The following HM13 variants were observed in gnomAD, a reference collection of about 807,000 sequenced individuals.
HM13 encodes the protein histocompatibility minor 13.
HM13 carries 18 observed loss-of-function variants against 50.0 expected under a neutral mutation model. The ratio of observed to expected loss-of-function variants is 0.36; its 90% CI spans 0.25 to 0.53. HM13 has a LOEUF of 0.53. Ranked by LOEUF, HM13 falls within the 20% of genes least tolerant of loss-of-function variation. The probability of loss-of-function intolerance (pLI) is 0.90; values close to 1 mark genes in which losing one functional copy is unlikely to be tolerated. For missense variants in HM13, 393 were observed against 552.4 expected (o/e 0.71, Z 2.89); for synonymous variants, 197 against 232.6 (o/e 0.85, Z 1.39).
chr20:31,532,162 C>T (rs1982856649), intron 2 of HM13, among the ~76,000 whole-genome samples: 1 of 151,614 alleles, frequency 6.6e-6, no homozygotes, highest in Non-Finnish European at 1.5e-5. Flanking sequence ...CGCGGTGGCT[C>T]AAGCCTGTAA....
At chr20:31,519,161 G>GCATAACCT (rs1981994971) in intron 1 of HM13, among the ~76,000 whole-genome samples, 1 of 152,146 alleles carries the variant, frequency 6.6e-6, no homozygotes, top group Admixed American at 6.5e-5. Context: ...GAGTGCAATG[G>GCATAACCT]CATAACCTCA....
chr20:31,545,022 G>A lies in HM13; in HGVS notation c.441G>A (p.Gly147=). The A allele has an allele frequency of 1.2e-6, 2 of 1,614,074 alleles. No homozygotes were observed. The highest frequency in any genetic ancestry group is 1.7e-6 in the Non-Finnish European group (2 of 1,179,902). ...QYQLLFTQGS[G]ENKEEIINYE... Reference sequence around the variant, plus strand: ...AGCTGCTCTTCACACAGGGTTCTGGGGAAAACAAGGAAGGTCAGTGCTAAC... The same window carrying A: ...AGCTGCTCTTCACACAGGGTTCTGGAGAAAACAAGGAAGGTCAGTGCTAAC... Residue 147 remains glycine, a synonymous_variant, in exon 4 of 13, where the codon GGG becomes GGA. Transcript: ENST00000398174.
At chr20:31,567,444 G>A (rs1984989121) in intron 11 of HM13, among the ~76,000 whole-genome samples, 1 of 151,896 alleles carries the variant, frequency 6.6e-6, no homozygotes, top group Non-Finnish European at 1.5e-5. Context: ...CAGGTACCCT[G>A]CCCCCACTGT....
chr20:31,567,887 T>C (rs1325099958), intron 11 of HM13, 191 bp from the exon 12 acceptor site: 2 of 573,538 alleles, frequency 3.5e-6, no homozygotes, highest in East Asian at 6.0e-5. Flanking sequence ...CTGATGTGCC[T>C]TTGTCTAGGT....
At chr20:31,529,641 C>T (rs1014576016) in intron 2 of HM13, among the ~76,000 whole-genome samples, 13 of 152,068 alleles carry the variant, frequency 8.5e-5, no homozygotes, top group Non-Finnish European at 1.0e-4. Context: ...GTAGGCTGGA[C>T]GCAGTGGCCC....
intron 10 of HM13, among the ~76,000 whole-genome samples, chr20:31,562,963 T>C (rs1404672273): frequency 6.6e-6 from 1 of 152,116 alleles, no homozygotes; most frequent in East Asian, 1.9e-4. Flanking sequence ...CCCGGCCCCT[T>C]ATTGGAGTCC....
chr20:31,554,967 AG>A (rs1438343715), intron 8 of HM13, 138 bp downstream of exon 8: 6 of 761,164 alleles, frequency 7.9e-6, no homozygotes, highest in African/African-American at 1.7e-5. Context: ...GGATTGGTGA[AG>A]GGTTCCCCCT....
At chr20:31,568,384 C>T in intron 12 of HM13, 160 bp downstream of exon 12, 1 of 1,081,888 alleles carries the variant, frequency 9.2e-7, no homozygotes, top group Non-Finnish European at 1.3e-6. Context: ...TTGCACCGAG[C>T]CATAGGGCTG....
At chr20:31,568,054 G>GTCTCT (rs1443521216) in intron 11 of HM13, 24 bp from the exon 12 acceptor site, 3 of 1,558,096 alleles carry the variant, frequency 1.9e-6, no homozygotes, top group Non-Finnish European at 2.6e-6. Flanking sequence ...CTTTTTTTCT[G>GTCTCT]TCTCTTCTCT....
At chr20:31,568,380 C>G (rs559978232) in intron 12 of HM13, 156 bp downstream of exon 12, 2 of 1,101,326 alleles carry the variant, frequency 1.8e-6, no homozygotes, top group Non-Finnish European at 2.5e-6. Context: ...GTGGTTGCAC[C>G]GAGCCATAGG....
intron 1 of HM13, among the ~76,000 whole-genome samples, chr20:31,521,216 C>A (rs1025235384): frequency 1.3e-5 from 2 of 152,200 alleles, no homozygotes; most frequent in Admixed American, 6.5e-5. Context: ...AGAAAGGTTG[C>A]AGGCTTCCCA....
In HM13 at chr20:31,552,975, A is replaced by G. The variant is rs187604377; in HGVS notation, c.725-1771A>G. On this transcript the variant is annotated intron_variant, in intron 7 of 12. Transcript: ENST00000398174. ...GGGTGACAGAGTAAGACTCCGTCTC[A>G]AATATATATGTATATATGTATAAAG... 5.9e-5 allele frequency among the ~76,000 whole-genome samples: 9 copies of G among 152,180 alleles called. No individual in the cohort carries two copies. In the East Asian group the frequency reaches 1.7e-3, roughly 29 times the overall value.
At chr20:31,519,804 A>G (rs971249226) in intron 1 of HM13, among the ~76,000 whole-genome samples, 14 of 150,674 alleles carry the variant, frequency 9.3e-5, no homozygotes, top group African/African-American at 2.7e-4. Context: ...TATTTGTGGG[A>G]TAAATTTCTC....
rs143495269 is a variant in HM13 at position 31,551,821 on chromosome 20, C to A, written c.724+1700C>A. 2.2e-4 allele frequency among the ~76,000 whole-genome samples: 34 copies of A among 152,316 alleles called. No homozygotes were observed. The East Asian group carries it at 6.4e-3, about 29-fold the overall frequency. On this transcript the variant is annotated intron_variant, in intron 7 of 12. Coordinates refer to ENST00000398174, the MANE Select transcript of HM13 (RefSeq NM_178581.3). ...CTCTACCACTGCGGACAGCCTTTCT[C>A]CCTGCGTTGAGGAGAGCTTCATGGC...
At chr20:31,516,290 C>T (rs967248655) in intron 1 of HM13, among the ~76,000 whole-genome samples, 1 of 152,196 alleles carries the variant, frequency 6.6e-6, no homozygotes, top group South Asian at 2.1e-4. Flanking sequence ...TTCTCCCTGG[C>T]ACCTTCTGTA....
intron 1 of HM13, among the ~76,000 whole-genome samples, chr20:31,519,228 A>C (rs1486054362): frequency 6.6e-6 from 1 of 152,058 alleles, no homozygotes; most frequent in Non-Finnish European, 1.5e-5. Flanking sequence ...CAGCCTCCCG[A>C]GTAGCTGGGA....
At chr20:31,547,380 G>A (rs1003920231) in intron 4 of HM13, 1 of 391,980 alleles carries the variant, frequency 2.6e-6, no homozygotes, top group South Asian at 3.3e-5. Context: ...CTTCCGGTTA[G>A]CGACAACGGC....
At chr20:31,529,207 AT>A (rs145597017) in intron 2 of HM13, among the ~76,000 whole-genome samples, 1 of 151,204 alleles carries the variant, frequency 6.6e-6, no homozygotes, top group African/African-American at 2.4e-5. Flanking sequence ...AAGCACTAAG[AT>A]TACAGATGTA....
intron 3 of HM13, chr20:31,541,357 T>G (rs1222694959): frequency 6.6e-6 from 1 of 152,026 alleles, no homozygotes; most frequent in African/African-American, 2.4e-5. Context: ...GGTGCGTGCC[T>G]GTGGTCCCAA....
Sources: gnomAD v4.1 joint callset for allele counts (sites outside exome capture counted in the v4.1 genomes callset) on GRCh38, gnomAD v4.1.1 for gene constraint, MANE v1.5 for transcripts, NCBI Gene and HGNC (gene_info 2026-07-23, HGNC 2026-07-21) for gene names.